The following ZFHX3 variants were observed in gnomAD, a reference collection of about 807,000 sequenced individuals.
The protein encoded by ZFHX3 is zinc finger homeobox protein 3.
A neutral mutation model predicts 279.1 loss-of-function variants in ZFHX3; 42 were observed. The observed-to-expected ratio is 0.15, with a 90% CI of 0.12 to 0.19. The LOEUF (loss-of-function observed/expected upper bound fraction) is 0.19, where lower values mean the gene tolerates loss of function less well. Ranked by LOEUF, ZFHX3 falls within the 10% of genes least tolerant of loss-of-function variation. The pLI is 1.00. For synonymous variants in ZFHX3, 2,293 were observed against 1,957.8 expected (o/e 1.17, Z -4.52); for missense variants, 4,981 against 4,754.0 (o/e 1.05, Z -1.40).
At chr16:73,149,561 G>A (rs1597184568) in intron 5 of ZFHX3, among the ~76,000 whole-genome samples, 1 of 152,278 alleles carries the variant, frequency 6.6e-6, no homozygotes, top group South Asian at 2.1e-4. Context: ...CTCTTGCTCA[G>A]TCATTTTCGG....
intron 7 of ZFHX3, 152 bp from the exon 8 acceptor site, chr16:72,800,281 TAGAC>T: frequency 1.5e-6 from 1 of 646,666 alleles, no homozygotes; most frequent in Non-Finnish European, 2.7e-6. Flanking sequence ...TCATGTTTAT[TAGAC>T]AAAGCTCACA....
intron 5 of ZFHX3, among the ~76,000 whole-genome samples, chr16:73,168,215 C>CTTTCTTTT (rs1555502334): frequency 1.1e-5 from 1 of 92,462 alleles, no homozygotes; most frequent in Non-Finnish European, 2.2e-5. Context: ...CTTTTGTTTT[C>CTTTCTTTT]TTTCTTTCTT....
chr16:72,794,088 G>A lies in ZFHX3; in HGVS notation c.8594C>T (p.Thr2865Ile), dbSNP rs2143393936. The change falls in exon 9 of 10, where the codon ACC (threonine) becomes ATC (isoleucine). Residue 2865 changes from threonine (T) to isoleucine (I), a missense_variant. Physicochemically the swap from Thr to Ile is moderately conservative, Grantham distance 89. Transcript: ENST00000268489. The surrounding 1 kb of genome is among the most constrained non-coding windows in gnomAD (Gnocchi z 4.2). ...NDSATGIATE[T>I]KSSSAPNEGL... ...TTCGTTGGGTGCAGAAGAGGATTTG[G>A]TTTCAGTTGCTATTCCCGTTGCACT... is the stretch of plus-strand genomic sequence containing the variant. 1 of 1,614,214 alleles carries A rather than the reference G, an allele frequency of 6.2e-7. No homozygotes were observed. The highest frequency in any genetic ancestry group is 8.5e-7 in the Non-Finnish European group (1 of 1,180,044).
chr16:72,847,399 G>C (rs1022107820), intron 4 of ZFHX3, among the ~76,000 whole-genome samples: 4 of 152,156 alleles, frequency 2.6e-5, no homozygotes, highest in African/African-American at 9.6e-5. Flanking sequence ...GCTAGGTGCA[G>C]GCAGGCAGCA....
At chr16:73,160,891 C>T (rs555152214) in intron 5 of ZFHX3, among the ~76,000 whole-genome samples, 38 of 151,200 alleles carry the variant, frequency 2.5e-4, no homozygotes, top group African/African-American at 7.8e-4. Flanking sequence ...TTTTTCTCCC[C>T]TTTTAATCTA....
At chr16:73,454,739 G>A (rs1257679323) in intron 3 of ZFHX3, among the ~76,000 whole-genome samples, 2 of 152,046 alleles carry the variant, frequency 1.3e-5, no homozygotes, top group Non-Finnish European at 2.9e-5. Flanking sequence ...CTCAGGGAGA[G>A]GAGCGAGACT....
At chr16:73,192,890 G>A (rs1968073574) in intron 5 of ZFHX3, among the ~76,000 whole-genome samples, 1 of 152,170 alleles carries the variant, frequency 6.6e-6, no homozygotes, top group Non-Finnish European at 1.5e-5. Flanking sequence ...AAATGGTGGG[G>A]AGCTGGACAC....
At chr16:73,468,713 A>G (rs2143597106) in intron 2 of ZFHX3, among the ~76,000 whole-genome samples, 1 of 152,288 alleles carries the variant, frequency 6.6e-6, no homozygotes, top group East Asian at 1.9e-4. Flanking sequence ...CAAAGAAAAA[A>G]TTATACTACT....
intron 3 of ZFHX3, among the ~76,000 whole-genome samples, chr16:73,418,915 G>C (rs948381201): frequency 6.6e-6 from 1 of 152,136 alleles, no homozygotes; most frequent in Non-Finnish European, 1.5e-5. Context: ...TCCAAACCTG[G>C]GGATGTGGTA....
At chr16:73,328,186 C>T (rs914304409) in intron 3 of ZFHX3, among the ~76,000 whole-genome samples, 9 of 151,782 alleles carry the variant, frequency 5.9e-5, no homozygotes, top group African/African-American at 1.5e-4. Flanking sequence ...ATCTGTAGTG[C>T]GTATTATAAT....
At chr16:73,696,116 T>C (rs1337180891) in intron 1 of ZFHX3, among the ~76,000 whole-genome samples, 34 of 152,182 alleles carry the variant, frequency 2.2e-4, no homozygotes, top group Admixed American at 2.2e-3. Flanking sequence ...AGGTAGGGTG[T>C]ATCCACTAAA....
chr16:73,351,949 G>A (rs534160966), intron 3 of ZFHX3, among the ~76,000 whole-genome samples: 139 of 152,260 alleles, frequency 9.1e-4, no homozygotes, highest in African/African-American at 3.2e-3. Flanking sequence ...TCCCAAAGCT[G>A]GTAGATCCAT....
At chr16:73,122,373 T>TC (rs1179895949) in intron 7 of ZFHX3, among the ~76,000 whole-genome samples, 2 of 132,748 alleles carry the variant, frequency 1.5e-5, no homozygotes, top group East Asian at 4.1e-4. Context: ...AATTTTTGTA[T>TC]TTTTTTTTTT....
chr16:72,787,713 G>GCCA lies in ZFHX3; in HGVS notation c.10562_10563insTGG (p.Gly3527dup), dbSNP rs1555515319. ...GGTACGAGCCGCCGCCGCCGCCGCC[G>GCCA]CCGCCACCGCCGCCGCCGCCGCCAC... is the stretch of plus-strand genomic sequence containing the variant. On this transcript the variant is annotated inframe_insertion, in exon 10 of 10. Coordinates refer to ENST00000268489, the MANE Select transcript of ZFHX3 (RefSeq NM_006885.4). The GCCA allele has an allele frequency of 1.4e-6, 2 of 1,385,062 alleles. No individual in the cohort carries two copies. Among genetic ancestry groups the GCCA allele is most frequent in the African/African-American group, 1.5e-5 (1 of 66,732 alleles). The allele number at this position is 1,385,062 out of a possible 1,614,324, so 85.8% of individuals were successfully genotyped here.
chr16:73,829,571 A>C (rs2142356227), intron 1 of ZFHX3, among the ~76,000 whole-genome samples: 1 of 67,904 alleles, frequency 1.5e-5, no homozygotes, highest in South Asian at 6.2e-4. Context: ...GGTGATGTAC[A>C]GATGGGTTTT....
At chr16:72,852,282 T>C (rs888957441) in intron 4 of ZFHX3, among the ~76,000 whole-genome samples, 1 of 152,268 alleles carries the variant, frequency 6.6e-6, no homozygotes. Flanking sequence ...ATTGTTTATA[T>C]ACTAGGTCCA....
At position 73,872,297 on chromosome 16, in the gene ZFHX3, A is replaced by G. The variant is rs2029864011; in HGVS notation, c.-1608+19354T>C. Among the ~76,000 whole-genome samples the G allele has an allele frequency of 3.3e-5, 5 of 151,896 alleles. No homozygotes were observed. In the South Asian group the frequency reaches 1.0e-3, roughly 31 times the overall value. ...CATTTTGTTGCCCAGGCTGGAGCAC[A>G]GTGGCGTGATCTTGGCTCACTGCAG... On this transcript the variant is annotated intron_variant, in intron 1 of 17. Transcript: ENST00000641206.
At chr16:73,874,535 G>A (rs188970439) in intron 1 of ZFHX3, among the ~76,000 whole-genome samples, 5 of 152,182 alleles carry the variant, frequency 3.3e-5, no homozygotes, top group Non-Finnish European at 7.4e-5. Context: ...TCACTGCTAC[G>A]GGCAGTTGCC....
intron 7 of ZFHX3, among the ~76,000 whole-genome samples, chr16:73,096,589 A>G (rs1267366483): frequency 6.9e-6 from 1 of 145,810 alleles, no homozygotes; most frequent in African/African-American, 2.6e-5. Flanking sequence ...TTTTTTTAGT[A>G]GAGACGGGGT....
Sources: allele counts gnomAD v4.1 joint callset (sites outside exome capture counted in the v4.1 genomes callset), GRCh38; gene constraint gnomAD v4.1.1; non-coding constraint Gnocchi (gnomAD v3.1); transcripts MANE v1.5; gene names NCBI Gene and HGNC (gene_info 2026-07-23, HGNC 2026-07-21).